Variants in TLCD4 observed in about 807,000 individuals in gnomAD.
TLCD4 encodes TLC domain containing 4, also known as TLC domain-containing protein 4.
A neutral mutation model predicts 24.2 loss-of-function variants in TLCD4; 7 were observed. The observed-to-expected ratio is 0.29, with a 90% CI of 0.16 to 0.54. TLCD4 has a LOEUF of 0.54. Ranked by LOEUF, TLCD4 falls within the 20% of genes least tolerant of loss-of-function variation. The probability of loss-of-function intolerance (pLI) is 0.95; values close to 1 mark genes in which losing one functional copy is unlikely to be tolerated. For synonymous variants in TLCD4, 103 were observed against 106.4 expected, an observed-to-expected ratio of 0.97 and a Z score of 0.20; for missense variants, 259 against 313.9, an observed-to-expected ratio of 0.82 and a Z score of 1.32.
chr1:95,179,385 C>G (rs1678556288), intron 6 of TLCD4, among the ~76,000 whole-genome samples: 1 of 152,206 alleles, frequency 6.6e-6, no homozygotes, highest in Admixed American at 6.5e-5. Flanking sequence ...TTTTTGTAAA[C>G]AAAGTTATAC....
rs935963319 is a variant in TLCD4, at chr1:95,195,016, C to T, written c.*3148C>T. On this transcript the variant is annotated 3_prime_UTR_variant, in exon 7 of 7. Coordinates refer to ENST00000370203, the MANE Select transcript of TLCD4 (RefSeq NM_152487.3). The stretch of plus-strand genomic sequence containing the variant: ...TGAAATACTATTTATGTTGTTACCA[C>T]CCCTAAGAGTGACTCTGATATATTA... 6.6e-6 allele frequency: 1 copy of T among 152,148 alleles called. No individual in the cohort carries two copies. Among genetic ancestry groups the T allele is most frequent in the African/African-American group, 2.4e-5 (1 of 41,426 alleles). The allele number at this position is 152,148 out of a possible 1,614,324, so 9.4% of individuals were successfully genotyped here. A position where few individuals can be genotyped will look rare whatever the true frequency, so the allele number is the denominator to read the frequency against.
chr1:95,191,553 G>C lies in TLCD4; in HGVS notation c.477G>C (p.Trp159Cys). Reference sequence around the variant, plus strand: ...GTTTCTTTAATTCATTTTTCAGGTGGTTCTTTGAAGCTCTGAAGTATCCCA... The same window carrying C: ...GTTTCTTTAATTCATTTTTCAGGTGCTTCTTTGAAGCTCTGAAGTATCCCA... ...ELSSPFVNQR[W>C]FFEALKYPKF... Residue 159 changes from tryptophan to cysteine, a missense_variant, in exon 7 of 7, where the codon TGG becomes TGC. Physicochemically the swap from Trp to Cys is radical, Grantham distance 215 (BLOSUM62 -2). Transcript: ENST00000370203. 6.2e-7 allele frequency: 1 copy of C among 1,600,772 alleles called. No individual in the cohort carries two copies. The highest frequency in any genetic ancestry group is 2.2e-5 in the East Asian group (1 of 44,696).
chr1:95,155,769 GA>G (rs1677615546), intron 5 of TLCD4, among the ~76,000 whole-genome samples: 1 of 145,352 alleles, frequency 6.9e-6, no homozygotes, highest in African/African-American at 2.5e-5. Flanking sequence ...TTTTTTTTAA[GA>G]TTTTTTTATT....
chr1:95,093,281 G>T, the TLCD4 span, among the ~76,000 whole-genome samples: 1 of 152,170 alleles, frequency 6.6e-6, no homozygotes, highest in South Asian at 2.1e-4. Flanking sequence ...TGCTTGGAAA[G>T]AAAACAAACG....
the TLCD4 span, among the ~76,000 whole-genome samples, chr1:95,109,932 T>C: frequency 2.9e-5 from 4 of 138,732 alleles, no homozygotes; most frequent in Non-Finnish European, 6.3e-5. Flanking sequence ...TATATATATA[T>C]ATATATATAT....
chr1:95,177,930 CTTTTCTTTTTTTT>C (rs1678486911), intron 6 of TLCD4, among the ~76,000 whole-genome samples: 1 of 143,878 alleles, frequency 7.0e-6, no homozygotes, highest in Non-Finnish European at 1.5e-5. Context: ...GTCTTTTTTT[CTTTTCTTTTTTTT>C]TTTTTTTGTT....
chr1:95,121,482 T>TC, intron 1 of TLCD4, among the ~76,000 whole-genome samples: 1 of 152,340 alleles, frequency 6.6e-6, no homozygotes, highest in Non-Finnish European at 1.5e-5. Context: ...ATTCTTTTTT[T>TC]CTTTTTGAGA....
In TLCD4 at chr1:95,162,617, C is replaced by T. The variant is rs550584122; in HGVS notation, c.399+11198C>T. Among the ~76,000 whole-genome samples the T allele has an allele frequency of 2.6e-5, 4 of 152,290 alleles. No homozygotes were observed. In the East Asian group the frequency reaches 5.8e-4, roughly 22 times the overall value. On this transcript the variant is annotated intron_variant, in intron 5 of 6. Coordinates refer to ENST00000370203, the MANE Select transcript of TLCD4 (RefSeq NM_152487.3). ...AGCATCGATGGTCTTTACAATTTGG[C>T]ATGTTTTTGCAGTGGTTAGTACTGG...
chr1:95,171,544 C>T (rs1678223332), intron 5 of TLCD4, among the ~76,000 whole-genome samples: 1 of 152,122 alleles, frequency 6.6e-6, no homozygotes, highest in African/African-American at 2.4e-5. Flanking sequence ...AATACTGTGA[C>T]TGTATTTTCT....
chr1:95,150,178 C>T (rs1418550294), intron 3 of TLCD4, 30 bp from the exon 4 acceptor site: 2 of 1,594,446 alleles, frequency 1.3e-6, no homozygotes, highest in Non-Finnish European at 1.7e-6. Flanking sequence ...AATCTATATA[C>T]TTTAAAAAGG....
the TLCD4 span, among the ~76,000 whole-genome samples, chr1:95,101,578 G>A: frequency 6.6e-6 from 1 of 152,082 alleles, no homozygotes; most frequent in African/African-American, 2.4e-5. Context: ...TCTTTTTAAA[G>A]TGCAGAGCTC....
intron 1 of TLCD4, among the ~76,000 whole-genome samples, chr1:95,131,266 G>A: frequency 6.6e-6 from 1 of 152,186 alleles, no homozygotes; most frequent in East Asian, 1.9e-4. Flanking sequence ...TGTTGACAGA[G>A]CTCAGAGAAG....
intron 6 of TLCD4, among the ~76,000 whole-genome samples, chr1:95,180,690 C>T (rs1203877035): frequency 2.0e-5 from 3 of 152,070 alleles, no homozygotes; most frequent in Non-Finnish European, 2.9e-5. Context: ...TTCTTTCTTG[C>T]CTAAATGCTC....
intron 5 of TLCD4, among the ~76,000 whole-genome samples, chr1:95,154,298 G>C (rs1207502781): frequency 1.3e-5 from 2 of 152,130 alleles, no homozygotes; most frequent in Non-Finnish European, 2.9e-5. Flanking sequence ...TCACTTCCTT[G>C]GGGGACAGGA....
chr1:95,137,616 T>A (rs1013921081), intron 1 of TLCD4, among the ~76,000 whole-genome samples: 1 of 152,074 alleles, frequency 6.6e-6, no homozygotes, highest in Non-Finnish European at 1.5e-5. Flanking sequence ...GAGTCTGTTT[T>A]TTCTAAAGTC....
At chr1:95,183,626 C>T (rs1414839002) in intron 6 of TLCD4, among the ~76,000 whole-genome samples, 2 of 151,966 alleles carry the variant, frequency 1.3e-5, no homozygotes, top group Non-Finnish European at 2.9e-5. Context: ...ATCACAAGGT[C>T]AGGAGGAGAT....
chr1:95,167,804 A>G (rs1270427917), intron 5 of TLCD4, among the ~76,000 whole-genome samples: 1 of 152,190 alleles, frequency 6.6e-6, no homozygotes, highest in African/African-American at 2.4e-5. Flanking sequence ...CATGTGCTTA[A>G]TGTAACGCTC....
Position 95,195,744 on chromosome 1 carries a change from T to A in TLCD4, c.*3876T>A, listed in dbSNP as rs1679184584. The A allele has an allele frequency of 6.6e-6, 1 of 152,088 alleles. No homozygotes were observed. The highest frequency in any genetic ancestry group is 1.5e-5 in the Non-Finnish European group (1 of 67,998). 9.4% of individuals were successfully genotyped at this position (152,088 alleles called of 1,614,324 possible). ...GTTCTGATGCAAAACACATGTGAGG[T>A]GTGTAGGAACAATGAAAAGCTAGAG... On this transcript the variant is annotated 3_prime_UTR_variant, in exon 7 of 7. Transcript: ENST00000370203.
At chr1:95,156,321 T>C (rs1677635233) in intron 5 of TLCD4, among the ~76,000 whole-genome samples, 1 of 152,164 alleles carries the variant, frequency 6.6e-6, no homozygotes, top group Non-Finnish European at 1.5e-5. Flanking sequence ...ACTGAGGAGA[T>C]GTCAGATCTT....
Sources: allele counts gnomAD v4.1 joint callset (sites outside exome capture counted in the v4.1 genomes callset), GRCh38; gene constraint gnomAD v4.1.1; transcripts MANE v1.5; gene names NCBI Gene and HGNC (gene_info 2026-07-23, HGNC 2026-07-21).